The following DCDC2 variants were observed in gnomAD, a reference collection of about 807,000 sequenced individuals.
DCDC2 encodes the protein doublecortin domain containing 2.
DCDC2 carries 40 observed loss-of-function variants against 50.2 expected under a neutral mutation model. The observed-to-expected ratio is 0.80, with a 90% CI of 0.62 to 1.04. DCDC2 has a LOEUF of 1.04. Ranked by LOEUF, DCDC2 falls within the 50% of genes least tolerant of loss-of-function variation. The pLI is 0.00. For missense variants in DCDC2, 570 were observed against 581.9 expected, an observed-to-expected ratio of 0.98 and a Z score of 0.21; for synonymous variants, 234 against 210.6, an observed-to-expected ratio of 1.11 and a Z score of -0.96.
chr6:24,263,364 C>T (rs1342036009), intron 7 of DCDC2, among the ~76,000 whole-genome samples: 1 of 152,080 alleles, frequency 6.6e-6, no homozygotes, highest in East Asian at 1.9e-4. Context: ...GAGACCATCC[C>T]GAGAAACATG....
intron 2 of DCDC2, among the ~76,000 whole-genome samples, chr6:24,345,711 T>C (rs1760242364): frequency 1.3e-5 from 2 of 152,338 alleles, no homozygotes; most frequent in South Asian, 4.1e-4. Flanking sequence ...CCCTTTGAAT[T>C]AGGTGAGCTT....
intron 2 of DCDC2, among the ~76,000 whole-genome samples, chr6:24,317,639 T>A (rs1357960460): frequency 5.3e-5 from 8 of 151,910 alleles, no homozygotes; most frequent in Admixed American, 4.6e-4. Flanking sequence ...GCTGGATAAA[T>A]TTGACTAACA....
At chr6:24,301,652 G>A (rs929542696) in intron 4 of DCDC2, 63 bp downstream of exon 4, 13 of 1,586,474 alleles carry the variant, frequency 8.2e-6, no homozygotes, top group Non-Finnish European at 1.0e-5. Flanking sequence ...TGACTCCGGA[G>A]CCTCCTGAGA....
intron 2 of DCDC2, among the ~76,000 whole-genome samples, chr6:24,330,384 C>T (rs1257885802): frequency 6.6e-6 from 1 of 152,088 alleles, no homozygotes; most frequent in South Asian, 2.1e-4. Flanking sequence ...ATCTTCACAC[C>T]GTGGGGAGTA....
At chr6:24,288,964 G>A (rs2113828619) in intron 5 of DCDC2, 58 bp from the exon 6 acceptor site, 1 of 1,322,974 alleles carries the variant, frequency 7.6e-7, no homozygotes, top group East Asian at 2.3e-5. Flanking sequence ...AATGTACAAT[G>A]CAAGATAATT....
chr6:24,364,036 G>T, the DCDC2 span, among the ~76,000 whole-genome samples: 1 of 152,108 alleles, frequency 6.6e-6, no homozygotes, highest in East Asian at 1.9e-4. Flanking sequence ...GTGAAGACTT[G>T]TACCATCGCT....
intron 7 of DCDC2, among the ~76,000 whole-genome samples, chr6:24,237,049 C>CA (rs200896518): frequency 0.046 from 6,924 of 151,456 alleles, 180 homozygotes; most frequent in African/African-American, 0.06. Flanking sequence ...CATGAATAGA[C>CA]ACTCACCAAA....
chr6:24,199,067 C>T (rs993272530), intron 8 of DCDC2, among the ~76,000 whole-genome samples: 4 of 152,208 alleles, frequency 2.6e-5, no homozygotes, highest in Non-Finnish European at 5.9e-5. Flanking sequence ...CGGGAAGCAG[C>T]GGCTGTGGGC....
chr6:24,273,921 T>C (rs1047039064), intron 7 of DCDC2, among the ~76,000 whole-genome samples: 4 of 151,868 alleles, frequency 2.6e-5, no homozygotes, highest in African/African-American at 9.7e-5. Flanking sequence ...TCATCAGGAG[T>C]CTAAAAATCA....
intron 8 of DCDC2, among the ~76,000 whole-genome samples, chr6:24,186,399 T>C (rs191824881): frequency 3.8e-4 from 58 of 152,314 alleles, no homozygotes; most frequent in Admixed American, 3.7e-3. Context: ...GCCAGAGACA[T>C]AAAGCAAGTT....
intron 7 of DCDC2, among the ~76,000 whole-genome samples, chr6:24,258,512 G>A (rs145462279): frequency 0.043 from 6,615 of 152,116 alleles, 230 homozygotes; most frequent in African/African-American, 0.097. Flanking sequence ...GGTGCATTTT[G>A]CAATCCTCTT....
chr6:24,286,469 TG>T (rs536830305), intron 6 of DCDC2, among the ~76,000 whole-genome samples: 126 of 152,094 alleles, frequency 8.3e-4, no homozygotes, highest in African/African-American at 2.7e-3. Flanking sequence ...GGCACATGCC[TG>T]GAGTCCCAGC....
chr6:24,355,827 T>C (rs1397767496), intron 1 of DCDC2, among the ~76,000 whole-genome samples: 2 of 152,158 alleles, frequency 1.3e-5, no homozygotes, highest in Admixed American at 6.6e-5. Flanking sequence ...TAAACAAATA[T>C]AGGAGAAGAA....
intron 6 of DCDC2, among the ~76,000 whole-genome samples, chr6:24,280,166 AT>A (rs1763440839): frequency 6.6e-6 from 1 of 152,230 alleles, no homozygotes; most frequent in African/African-American, 2.4e-5. Context: ...CCAATTAGGA[AT>A]GGAAAAATTC....
chr6:24,174,494 G>T lies in DCDC2; in HGVS notation c.*236C>A. 3.3e-6 allele frequency: 1 copy of T among 299,934 alleles called. No individual in the cohort carries two copies. Among genetic ancestry groups the T allele is most frequent in the Non-Finnish European group, 6.1e-6 (1 of 163,736 alleles). 18.6% of individuals were successfully genotyped at this position (299,934 alleles called of 1,614,324 possible). On this transcript the variant is annotated 3_prime_UTR_variant, in exon 10 of 10. Coordinates refer to ENST00000378454, the MANE Select transcript of DCDC2 (RefSeq NM_016356.5). The stretch of plus-strand genomic sequence containing the variant: ...TTCCAGTGCAAATTCTCCTCTGTCC[G>T]TCTTATTTAATATTTCTATATGACT...
the DCDC2 span, among the ~76,000 whole-genome samples, chr6:24,374,701 T>TGAGAGAAA: frequency 6.7e-6 from 1 of 149,918 alleles, no homozygotes; most frequent in East Asian, 2.0e-4. Context: ...GCAGTCCTAG[T>TGAGAGAAA]GAGAGAAAGA....
At chr6:24,306,028 CA>C (rs904100050) in intron 2 of DCDC2, among the ~76,000 whole-genome samples, 18 of 141,694 alleles carry the variant, frequency 1.3e-4, no homozygotes, top group South Asian at 4.4e-4. Flanking sequence ...AACTCTGTCT[CA>C]AAAAAAAAAG....
chr6:24,381,995 G>GGAAA, the DCDC2 span, among the ~76,000 whole-genome samples: 1 of 141,788 alleles, frequency 7.1e-6, no homozygotes, highest in African/African-American at 2.9e-5. Flanking sequence ...AAGGAAGGAA[G>GGAAA]GAAGGAAGGA....
chr6:24,207,478 C>A (rs1350966819), intron 7 of DCDC2, among the ~76,000 whole-genome samples: 2 of 152,024 alleles, frequency 1.3e-5, no homozygotes, highest in African/African-American at 4.8e-5. Context: ...ATGAATAGTG[C>A]AAAATAGGAA....
Sources: allele counts gnomAD v4.1 joint callset (sites outside exome capture counted in the v4.1 genomes callset), GRCh38; gene constraint gnomAD v4.1.1; transcripts MANE v1.5; gene names NCBI Gene and HGNC (gene_info 2026-07-23, HGNC 2026-07-21).